Variants in ICE2 observed in about 807,000 individuals in gnomAD.
The protein encoded by ICE2 is little elongation complex subunit 2.
In ICE2, 87 loss-of-function variants were observed where a neutral mutation model predicts 105.4. That is an observed-to-expected ratio of 0.83 (90% CI 0.69 to 0.99). ICE2 has a LOEUF of 0.99. ICE2 is among the 50% of genes least tolerant of loss of function. The pLI, the probability that ICE2 is intolerant of heterozygous loss-of-function variation, is 0.00. For synonymous variants in ICE2, 399 were observed against 392.0 expected (o/e 1.02, Z -0.21); for missense variants, 1,323 against 1,146.7 (o/e 1.15, Z -2.22).
intron 11 of ICE2, among the ~76,000 whole-genome samples, chr15:60,444,484 C>T (rs1283154529): frequency 1.3e-5 from 2 of 151,882 alleles, no homozygotes; most frequent in Admixed American, 1.3e-4. Flanking sequence ...ATTTTTTTCC[C>T]TTGATAAATG....
rs191697711 is a variant in ICE2 at position 60,468,124 on chromosome 15, G to A, written c.345C>T (p.Tyr115=). 11 of 1,613,702 alleles carry A rather than the reference G, an allele frequency of 6.8e-6. No individual in the cohort carries two copies. The East Asian group carries it at 1.1e-4, about 16-fold the overall frequency. Residue 115 remains tyrosine, a synonymous_variant, in exon 4 of 16, where the codon TAC becomes TAT. Coordinates refer to ENST00000261520, the MANE Select transcript of ICE2 (RefSeq NM_024611.6). ...QRSYVDLLVK[Y]AKIPANSKAV... ...CTTTGGAATTTGCAGGAATCTTTGC[G>A]TATTTAACCAACAAGTCCACATAAC...
chr15:60,459,405 C>T (rs2064212322), intron 5 of ICE2, among the ~76,000 whole-genome samples: 1 of 152,058 alleles, frequency 6.6e-6, no homozygotes, highest in Admixed American at 6.6e-5. Context: ...CTTTGAATTG[C>T]GTATGAAATA....
At chr15:60,434,798 A>C (rs1412544488) in intron 13 of ICE2, among the ~76,000 whole-genome samples, 2 of 152,210 alleles carry the variant, frequency 1.3e-5, no homozygotes, top group Admixed American at 1.3e-4. Flanking sequence ...TTAAGGGATT[A>C]GACAGGAGGT....
chr15:60,428,454 G>A lies in ICE2; in HGVS notation c.2795C>T (p.Ser932Leu). The A allele has an allele frequency of 6.2e-7, 1 of 1,613,978 alleles. No homozygotes were observed. The highest frequency in any genetic ancestry group is 8.5e-7 in the Non-Finnish European group (1 of 1,179,894). The change falls in exon 15 of 16, where the codon TCA becomes TTA. Residue 932 changes from serine (S) to leucine (L), a missense_variant. Physicochemically the swap from Ser to Leu is moderately radical, Grantham distance 145. Transcript: ENST00000261520. ...CTTTTGTTGTGTTGTGGTATCCAGT[G>A]ATTTCGGTGGAAAAGTACAAGGTAT... ...GRIPCTFPPKSLDTTTQQKIG... is the reference protein window; with the variant it reads ...GRIPCTFPPKLLDTTTQQKIG...
intron 11 of ICE2, 127 bp from the exon 12 acceptor site, chr15:60,442,672 A>C: frequency 1.4e-6 from 1 of 690,382 alleles, no homozygotes; most frequent in Non-Finnish European, 2.4e-6. Flanking sequence ...TTTCAATTAC[A>C]GCAGGATTCA....
rs1595729626 is a variant in ICE2, at chr15:60,423,780, G to A, written c.2821-18C>T. On this transcript the variant is annotated intron_variant, in intron 15 of 15. Coordinates refer to ENST00000261520, the MANE Select transcript of ICE2 (RefSeq NM_024611.6). ...CCACCAATCTAAGAGATGAAGCAGA[G>A]AACAGAATAGCTTAATGTATCTACA... The A allele has an allele frequency of 6.4e-7, 1 of 1,560,826 alleles. No homozygotes were observed. Among genetic ancestry groups the A allele is most frequent in the Non-Finnish European group, 8.6e-7 (1 of 1,159,958 alleles).
At position 60,477,978 on chromosome 15, in the gene ICE2, C is replaced by A. The variant is rs1286733064; in HGVS notation, c.-1G>T. 1.2e-6 allele frequency: 2 copies of A among 1,613,880 alleles called. No homozygotes were observed. The highest frequency in any genetic ancestry group is 2.7e-5 in the African/African-American group (2 of 74,934). On this transcript the variant is annotated 5_prime_UTR_variant, in exon 2 of 16. Coordinates refer to ENST00000261520, the MANE Select transcript of ICE2 (RefSeq NM_024611.6). ...CACTTATGACCATCTTGGAGCTCAT[C>A]TTCCTAGATTTCTGCTTCACTCTAG...
intron 14 of ICE2, among the ~76,000 whole-genome samples, chr15:60,429,029 T>C (rs949831209): frequency 8.5e-5 from 13 of 152,232 alleles, no homozygotes; most frequent in African/African-American, 3.1e-4. Context: ...AAAGCATTCC[T>C]ACAGCATTTT....
chr15:60,454,220 A>G (rs1296457699), intron 8 of ICE2, among the ~76,000 whole-genome samples: 1 of 152,236 alleles, frequency 6.6e-6, no homozygotes, highest in Non-Finnish European at 1.5e-5. Context: ...TTAAAAAATT[A>G]AATATCAAAA....
intron 14 of ICE2, among the ~76,000 whole-genome samples, chr15:60,431,450 C>T (rs1028910451): frequency 3.9e-5 from 6 of 152,100 alleles, no homozygotes; most frequent in South Asian, 2.1e-4. Context: ...TGTGATGCGA[C>T]GCAGAGATCC....
chr15:60,473,234 G>A (rs865896005), intron 3 of ICE2, among the ~76,000 whole-genome samples: 1 of 151,846 alleles, frequency 6.6e-6, no homozygotes, highest in South Asian at 2.1e-4. Flanking sequence ...ATGAGCTGCT[G>A]TGCCCAGCCA....
chr15:60,474,468 C>G (rs903605165), intron 3 of ICE2, among the ~76,000 whole-genome samples: 1 of 152,068 alleles, frequency 6.6e-6, no homozygotes, highest in African/African-American at 2.4e-5. Context: ...ATACACCCAA[C>G]TATAGAATAC....
intron 11 of ICE2, 35 bp from the exon 12 acceptor site, chr15:60,442,580 T>C (rs2063741859): frequency 1.3e-6 from 2 of 1,515,026 alleles, no homozygotes; most frequent in Non-Finnish European, 1.8e-6. Context: ...CAAAGCTCTA[T>C]TAATTTACTA....
intron 15 of ICE2, among the ~76,000 whole-genome samples, chr15:60,426,805 G>A (rs1329459918): frequency 5.9e-5 from 9 of 152,166 alleles, no homozygotes; most frequent in Admixed American, 3.9e-4. Flanking sequence ...TTATAGGTGA[G>A]AGACTATAAT....
chr15:60,462,511 T>A (rs1286793946), intron 5 of ICE2, among the ~76,000 whole-genome samples: 2 of 151,976 alleles, frequency 1.3e-5, no homozygotes, highest in African/African-American at 4.8e-5. Flanking sequence ...AAACATACAG[T>A]ACAAAATAAA....
Position 60,479,052 on chromosome 15 carries a change from C to G in ICE2, c.-142G>C, listed in dbSNP as rs1183874143. The G allele has an allele frequency of 2.2e-6, 1 of 455,558 alleles. No homozygotes were observed. The highest frequency in any genetic ancestry group is 7.0e-5 in the East Asian group (1 of 14,358). 28.2% of individuals were successfully genotyped at this position (455,558 alleles called of 1,614,324 possible). Reference sequence around the variant, plus strand: ...CCAGGCCGCAGCCACACACCACACACGCTCCACCCCACTCCTCACATTGTC... The same window carrying G: ...CCAGGCCGCAGCCACACACCACACAGGCTCCACCCCACTCCTCACATTGTC... On this transcript the variant is annotated 5_prime_UTR_variant, in exon 1 of 16. Coordinates refer to ENST00000261520, the MANE Select transcript of ICE2 (RefSeq NM_024611.6).
chr15:60,424,224 G>A (rs888877824), intron 15 of ICE2, among the ~76,000 whole-genome samples: 1 of 151,770 alleles, frequency 6.6e-6, no homozygotes, highest in Non-Finnish European at 1.5e-5. Flanking sequence ...AATAAGAAGG[G>A]TAGGGAAGAT....
intron 5 of ICE2, among the ~76,000 whole-genome samples, 157 bp from the exon 6 acceptor site, chr15:60,456,951 CAT>C (rs2064144298): frequency 6.6e-6 from 1 of 151,988 alleles, no homozygotes; most frequent in Non-Finnish European, 1.5e-5. Flanking sequence ...TCTTTATTTT[CAT>C]ATTTTTAACC....
intron 9 of ICE2, among the ~76,000 whole-genome samples, chr15:60,450,583 A>T (rs2063941992): frequency 6.6e-6 from 1 of 152,176 alleles, no homozygotes; most frequent in South Asian, 2.1e-4. Flanking sequence ...TACCATAGAA[A>T]TTTCATAACT....
Sources: gnomAD v4.1 joint callset for allele counts (sites outside exome capture counted in the v4.1 genomes callset) on GRCh38, gnomAD v4.1.1 for gene constraint, MANE v1.5 for transcripts, NCBI Gene and HGNC (gene_info 2026-07-23, HGNC 2026-07-21) for gene names.